Variants in NDST4 observed in about 807,000 individuals in gnomAD.
NDST4 encodes the protein N-deacetylase and N-sulfotransferase 4.
NDST4 carries 63 observed loss-of-function variants against 100.8 expected under a neutral mutation model. The ratio of observed to expected loss-of-function variants is 0.62; its 90% CI spans 0.51 to 0.77. NDST4 has a LOEUF of 0.77. Ranked by LOEUF, NDST4 falls within the 30% of genes least tolerant of loss-of-function variation. The probability of loss-of-function intolerance (pLI) is 0.00; values close to 1 mark genes in which losing one functional copy is unlikely to be tolerated. For missense variants in NDST4, 943 were observed against 1,018.4 expected (o/e 0.93, Z 1.01); for synonymous variants, 377 against 361.8 (o/e 1.04, Z -0.48).
chr4:115,039,254 C>T lies in NDST4; in HGVS notation c.978+36805G>A, dbSNP rs111247221. Reference sequence around the variant, plus strand: ...ACACCAAGAATAGAACACAAAATCCCGAAGGATGCCCACTGGAAATCATTG... The same window carrying T: ...ACACCAAGAATAGAACACAAAATCCTGAAGGATGCCCACTGGAAATCATTG... On this transcript the variant is annotated intron_variant, in intron 2 of 13. Transcript: ENST00000264363. Among the ~76,000 whole-genome samples, 1,162 of 152,090 alleles carry T rather than the reference C, an allele frequency of 7.6e-3. 19 individuals are homozygous for T. Among genetic ancestry groups the T allele is most frequent in the African/African-American group, 0.026 (1,096 of 41,494 alleles).
intron 6 of NDST4, among the ~76,000 whole-genome samples, chr4:114,880,438 A>G (rs909841143): frequency 2.6e-5 from 4 of 152,160 alleles, no homozygotes; most frequent in Non-Finnish European, 5.9e-5. Context: ...ATGATGCCAC[A>G]TAAAAGTCAC....
intron 3 of NDST4, among the ~76,000 whole-genome samples, chr4:114,974,986 T>C (rs1017480915): frequency 6.6e-6 from 1 of 152,060 alleles, no homozygotes; most frequent in African/African-American, 2.4e-5. Flanking sequence ...GACAAGGCCA[T>C]CTCCTCATGG....
chr4:114,874,485 A>C (rs1054721404), intron 6 of NDST4, among the ~76,000 whole-genome samples: 2 of 152,206 alleles, frequency 1.3e-5, no homozygotes, highest in Non-Finnish European at 2.9e-5. Flanking sequence ...ATTGGTTGCA[A>C]TCACTGTTGT....
chr4:115,076,845 C>G lies in NDST4; in HGVS notation c.192G>C (p.Glu64Asp), dbSNP rs1389440945. The change falls in exon 2 of 14, where the codon GAG (glutamate) becomes GAC (aspartate). Residue 64 changes from glutamate to aspartate, a missense_variant. This residue lies in a region of NDST4 where 417 missense variants were observed against 384.2 expected (regional missense o/e 1.09). Transcript: ENST00000264363. ...TGTCAATAGGTTTAACTGTTTTCAG[C>G]TCCATTGACCTATATGGTAGAATTT... is the stretch of plus-strand genomic sequence containing the variant. ...DIKILPYRSM[E>D]LKTVKPIDTS... 1 of 1,613,786 alleles carries G rather than the reference C, an allele frequency of 6.2e-7. No homozygotes were observed. Among genetic ancestry groups the G allele is most frequent in the Admixed American group, 1.7e-5 (1 of 59,976 alleles).
chr4:114,881,847 C>G (rs1223234020), intron 6 of NDST4, among the ~76,000 whole-genome samples: 3 of 152,102 alleles, frequency 2.0e-5, no homozygotes, highest in African/African-American at 7.2e-5. Context: ...AAACAACTCA[C>G]TTTATGGCTA....
At chr4:114,982,897 C>T (rs1451026401) in intron 2 of NDST4, among the ~76,000 whole-genome samples, 3 of 152,284 alleles carry the variant, frequency 2.0e-5, no homozygotes, top group Middle Eastern at 3.4e-3. Context: ...TGCCCTGCAT[C>T]CCAGCCACTC....
intron 2 of NDST4, among the ~76,000 whole-genome samples, chr4:115,015,355 A>T (rs1233387233): frequency 6.6e-6 from 1 of 152,068 alleles, no homozygotes; most frequent in Non-Finnish European, 1.5e-5. Context: ...CTCTTTTGGG[A>T]TATCCTTAAA....
intron 1 of NDST4, among the ~76,000 whole-genome samples, chr4:115,109,706 A>G (rs1410034104): frequency 1.3e-5 from 2 of 151,918 alleles, no homozygotes; most frequent in Non-Finnish European, 2.9e-5. Context: ...CTATTTATTT[A>G]GTGTTAATGA....
At chr4:114,923,892 C>T (rs1333250770) in intron 6 of NDST4, among the ~76,000 whole-genome samples, 6 of 151,400 alleles carry the variant, frequency 4.0e-5, no homozygotes, top group Admixed American at 3.3e-4. Flanking sequence ...AAAGACTCCT[C>T]TAATAAAATA....
chr4:114,962,188 A>G (rs937134253), intron 4 of NDST4, among the ~76,000 whole-genome samples: 12 of 152,122 alleles, frequency 7.9e-5, no homozygotes, highest in Non-Finnish European at 1.6e-4. Context: ...TGAAAAATCT[A>G]CAGCTAACAT....
chr4:114,964,901 G>T lies in NDST4; in HGVS notation c.1221+5529C>A, dbSNP rs138268277. Among the ~76,000 whole-genome samples, 21 of 150,906 alleles carry T rather than the reference G, an allele frequency of 1.4e-4. No individual in the cohort carries two copies. The East Asian group carries it at 3.5e-3, about 25-fold the overall frequency. On this transcript the variant is annotated intron_variant, in intron 4 of 13. Coordinates refer to ENST00000264363, the MANE Select transcript of NDST4 (RefSeq NM_022569.3). ...TTTCACTTAGCATAATGCCCACAAG[G>T]TTCATCCATGTTGTCACGTGTTACA...
At chr4:115,013,370 T>TATATATATATATATATACACAC (rs74678897) in intron 2 of NDST4, among the ~76,000 whole-genome samples, 2 of 71,448 alleles carry the variant, frequency 2.8e-5, no homozygotes, top group African/African-American at 4.1e-5. Context: ...TATATATATA[T>TATATATATATATATATACACAC]ACACACACAT....
intron 2 of NDST4, among the ~76,000 whole-genome samples, chr4:115,048,896 C>T (rs904748823): frequency 2.7e-5 from 4 of 149,800 alleles, no homozygotes; most frequent in Admixed American, 2.0e-4. Context: ...TCCTCGGCCT[C>T]CCAAAGTGCT....
intron 4 of NDST4, among the ~76,000 whole-genome samples, chr4:114,968,222 T>G (rs1467460072): frequency 6.6e-6 from 1 of 152,234 alleles, no homozygotes; most frequent in Non-Finnish European, 1.5e-5. Context: ...TAGTATTAAT[T>G]TGACTTGCGC....
Position 114,978,880 on chromosome 4 carries a change from C to T in NDST4, c.979-1606G>A, listed in dbSNP as rs552176067. 5.9e-5 allele frequency among the ~76,000 whole-genome samples: 9 copies of T among 152,130 alleles called. No individual in the cohort carries two copies. In the East Asian group the frequency reaches 1.7e-3, roughly 29 times the overall value. On this transcript the variant is annotated intron_variant, in intron 2 of 13. Transcript: ENST00000264363. ...ATTTATTTATCTGTGAAATGGGGTA[C>T]TTCTGAAAATTTATTTTATACTCTT...
intron 6 of NDST4, among the ~76,000 whole-genome samples, chr4:114,932,872 A>T (rs1725543597): frequency 6.6e-6 from 1 of 152,122 alleles, no homozygotes; most frequent in Non-Finnish European, 1.5e-5. Flanking sequence ...TGAGCGAATT[A>T]ATAGTGTTAA....
intron 1 of NDST4, among the ~76,000 whole-genome samples, chr4:115,085,163 A>G (rs1264404455): frequency 2.0e-5 from 3 of 152,136 alleles, no homozygotes; most frequent in Admixed American, 1.3e-4. Context: ...TGACTGCCCT[A>G]TTGGATTTCA....
chr4:114,883,038 A>C (rs1578363696), intron 6 of NDST4, among the ~76,000 whole-genome samples: 5 of 151,984 alleles, frequency 3.3e-5, no homozygotes, highest in Admixed American at 3.3e-4. Context: ...ACACTCACAG[A>C]AAAACAAAAA....
In NDST4 at chr4:114,903,983, A is replaced by T. The variant is rs115400538; in HGVS notation, c.1536+31223T>A. 1.7e-3 allele frequency among the ~76,000 whole-genome samples: 258 copies of T among 152,160 alleles called. 3 individuals are homozygous for T. The highest frequency in any genetic ancestry group is 5.9e-3 in the African/African-American group (244 of 41,562). ...AGTTTGGGATTTCTTTGAGGTTGTCATTATATACCTATTATATTCAAGCTT... is the reference window on the plus strand; with the variant it reads ...AGTTTGGGATTTCTTTGAGGTTGTCTTTATATACCTATTATATTCAAGCTT... On this transcript the variant is annotated intron_variant, in intron 6 of 13. Transcript: ENST00000264363.
Sources: allele counts gnomAD v4.1 joint callset (sites outside exome capture counted in the v4.1 genomes callset), GRCh38; gene constraint gnomAD v4.1.1; regional missense constraint gnomAD v4.1.1; transcripts MANE v1.5; gene names NCBI Gene and HGNC (gene_info 2026-07-23, HGNC 2026-07-21).